Variants in DOK7 observed in about 807,000 individuals in gnomAD.
DOK7 encodes docking protein 7, also known as protein Dok-7.
DOK7 carries 32 observed loss-of-function variants against 30.7 expected under a neutral mutation model. That is an observed-to-expected ratio of 1.04 (90% CI 0.79 to 1.40). The LOEUF is 1.40. Among genes scored for constraint, DOK7 ranks in the 40% most tolerant of loss-of-function variants. The pLI is 0.00. For synonymous variants in DOK7, 447 were observed against 324.1 expected, an observed-to-expected ratio of 1.38 and a Z score of -4.07; for missense variants, 1,007 against 699.2, an observed-to-expected ratio of 1.44 and a Z score of -4.97.
chr4:3,500,246 C>CA (rs1729123887), intron 6 of DOK7: 1 of 1,535,104 alleles, frequency 6.5e-7, no homozygotes, highest in Admixed American at 2.0e-5. Flanking sequence ...CCGCTCCCCC[C>CA]ACAGGATCCC....
At position 3,492,873 on chromosome 4, in the gene DOK7, A is replaced by G. The variant is rs6811423; in HGVS notation, c.887A>G (p.Gln296Arg). The G allele has an allele frequency of 0.22, 347,134 of 1,604,490 alleles. 41,728 individuals carry two copies. Among genetic ancestry groups the G allele is most frequent in the East Asian group, 0.51 (22,604 of 44,430 alleles). The change falls in exon 7 of 7, where the codon CAG becomes CGG. Residue 296 changes from glutamine to arginine, a missense_variant. By Grantham distance (43) the Gln-to-Arg change is conservative. Transcript: ENST00000340083. ...EQSSSSASTSQEGPRPAAAQA... is the reference protein window; with the variant it reads ...EQSSSSASTSREGPRPAAAQA... ...TCCTCGTCGTCAGCCAGCACGTCAC[A>G]GGAGGGGCCTAGACCAGCAGCTGCC...
At chr4:3,494,590 A>C, downstream of DOK7, 1 of 916,002 alleles carries the variant, frequency 1.1e-6, no homozygotes, top group Non-Finnish European at 1.3e-6. Context: ...CCTGGCCTTT[A>C]TCTCAGAGAG....
chr4:3,481,968 T>C (rs1254847046), intron 4 of DOK7, among the ~76,000 whole-genome samples: 1 of 151,862 alleles, frequency 6.6e-6, no homozygotes, highest in African/African-American at 2.4e-5. Flanking sequence ...CTGTCCAGAG[T>C]TGGCGCCGCC....
At chr4:3,482,903 C>T (rs1245003449) in intron 4 of DOK7, among the ~76,000 whole-genome samples, 1 of 152,152 alleles carries the variant, frequency 6.6e-6, no homozygotes, top group Non-Finnish European at 1.5e-5. Flanking sequence ...GGGACGGCAG[C>T]AGGTGGGGCT....
At chr4:3,467,852 G>A (rs1180527852) in intron 2 of DOK7, among the ~76,000 whole-genome samples, 2 of 152,202 alleles carry the variant, frequency 1.3e-5, no homozygotes, top group Non-Finnish European at 2.9e-5. Context: ...ATGTCCTGCT[G>A]CATAGGTGGC....
intron 5 of DOK7, among the ~76,000 whole-genome samples, chr4:3,487,937 T>C (rs1030157456): frequency 2.0e-5 from 3 of 152,224 alleles, no homozygotes; most frequent in African/African-American, 7.2e-5. Flanking sequence ...GACTGGTGCC[T>C]GCTGTCCTGC....
intron 2 of DOK7, among the ~76,000 whole-genome samples, chr4:3,469,836 G>C (rs1252821490): frequency 6.6e-6 from 1 of 152,190 alleles, no homozygotes; most frequent in Non-Finnish European, 1.5e-5. Flanking sequence ...GTGATGAGGA[G>C]AGGGCGGCCT....
downstream of DOK7, among the ~76,000 whole-genome samples, chr4:3,498,862 G>A (rs1258500719): frequency 6.6e-6 from 1 of 152,252 alleles, no homozygotes; most frequent in Non-Finnish European, 1.5e-5. Flanking sequence ...GGTTGGGGCA[G>A]AATTGTGTTG....
At chr4:3,496,348 C>A (rs535364635), downstream of DOK7, among the ~76,000 whole-genome samples, 3 of 152,206 alleles carry the variant, frequency 2.0e-5, no homozygotes, top group African/African-American at 7.2e-5. Context: ...GGAGCCTTCC[C>A]CACCAGCTGC....
downstream of DOK7, among the ~76,000 whole-genome samples, chr4:3,498,887 T>G (rs183973969): frequency 1.4e-4 from 21 of 152,342 alleles, no homozygotes; most frequent in Non-Finnish European, 2.6e-4. Context: ...CTTTAGTTCA[T>G]GGAATCAGGT....
Position 3,476,447 on chromosome 4 carries a change from C to A in DOK7, c.437C>A (p.Pro146Gln). 1.2e-6 allele frequency: 2 copies of A among 1,613,786 alleles called. No individual in the cohort carries two copies. Among genetic ancestry groups the A allele is most frequent in the Non-Finnish European group, 1.7e-6 (2 of 1,180,026 alleles). The change falls in exon 4 of 7, where the codon CCG becomes CAG. Residue 146 changes from proline (P) to glutamine (Q), a missense_variant. Physicochemically the swap from Pro to Gln is moderately conservative, Grantham distance 76 (BLOSUM62 -1). Coordinates refer to ENST00000340083, the MANE Select transcript of DOK7 (RefSeq NM_173660.5). ...DVLVLARDIP[P>Q]AVTGQWKLSD... ...CTCGTCTTGGCCAGGGACATCCCCCCGGCTGTCACGGGGCAGTGGAAGCTG... is the reference window on the plus strand; with the variant it reads ...CTCGTCTTGGCCAGGGACATCCCCCAGGCTGTCACGGGGCAGTGGAAGCTG...
At chr4:3,490,730 A>C (rs1577176350) in intron 6 of DOK7, among the ~76,000 whole-genome samples, 11 of 63,660 alleles carry the variant, frequency 1.7e-4, no homozygotes, top group Admixed American at 5.0e-4. Flanking sequence ...CCCCCCACTC[A>C]TTCCTTCCTT....
At chr4:3,495,157 C>G (rs1463708920), downstream of DOK7, among the ~76,000 whole-genome samples, 1 of 152,234 alleles carries the variant, frequency 6.6e-6, no homozygotes, top group Non-Finnish European at 1.5e-5. Flanking sequence ...CAGACCCCGC[C>G]TCACTGGGCT....
At chr4:3,494,496 G>T, downstream of DOK7, 1 of 985,504 alleles carries the variant, frequency 1.0e-6, no homozygotes, top group Non-Finnish European at 1.2e-6. Flanking sequence ...CCTTGTCCTA[G>T]TCCGTTGCCC....
At chr4:3,463,462 G>GGGGGGGGGGGGGGC in intron 1 of DOK7, 33 bp downstream of exon 1, 3 of 1,215,594 alleles carry the variant, frequency 2.5e-6, no homozygotes, top group South Asian at 1.6e-5. Flanking sequence ...GGGGGGGGGG[G>GGGGGGGGGGGGGGC]CGCGGGCGCG....
At chr4:3,466,562 G>C (rs1726277856) in intron 2 of DOK7, among the ~76,000 whole-genome samples, 1 of 152,210 alleles carries the variant, frequency 6.6e-6, no homozygotes, top group Admixed American at 6.5e-5. Context: ...CTGAAGACCG[G>C]GCGTGGGTGG....
downstream of DOK7, among the ~76,000 whole-genome samples, chr4:3,499,337 G>A (rs1170774949): frequency 1.3e-5 from 2 of 152,198 alleles, no homozygotes; most frequent in African/African-American, 4.8e-5. Flanking sequence ...ACTGGCTCAG[G>A]GAATGGGGGG....
intron 5 of DOK7, among the ~76,000 whole-genome samples, chr4:3,487,230 G>GCT (rs5855787): frequency 0.65 from 99,371 of 151,950 alleles, 33,075 homozygotes; most frequent in East Asian, 0.93. Flanking sequence ...ACCCGGAGGT[G>GCT]GGTTGAGCTG....
chr4:3,490,088 T>A (rs111978301), intron 6 of DOK7, among the ~76,000 whole-genome samples: 5 of 30,070 alleles, frequency 1.7e-4, no homozygotes, highest in East Asian at 3.9e-3. Context: ...CTTCACCCCC[T>A]CATTCATTCC....
Sources: allele counts gnomAD v4.1 joint callset (sites outside exome capture counted in the v4.1 genomes callset), GRCh38; gene constraint gnomAD v4.1.1; transcripts MANE v1.5; gene names NCBI Gene and HGNC (gene_info 2026-07-23, HGNC 2026-07-21).